The following SLC44A5 variants were observed in gnomAD, a reference collection of about 807,000 sequenced individuals.
SLC44A5 encodes solute carrier family 44 member 5.
Under a neutral mutation model 101.8 loss-of-function variants are expected in SLC44A5, and 57 were observed. The ratio of observed to expected loss-of-function variants is 0.56; its 90% CI spans 0.45 to 0.70. The LOEUF (loss-of-function observed/expected upper bound fraction) is 0.70. Among genes scored for constraint, SLC44A5 ranks in the 30% least tolerant of loss-of-function variants. SLC44A5 has a pLI of 0.00. For missense variants in SLC44A5, 737 were observed against 853.1 expected (o/e 0.86, Z 1.70); for synonymous variants, 281 against 290.9 (o/e 0.97, Z 0.35).
intron 4 of SLC44A5, among the ~76,000 whole-genome samples, chr1:75,324,781 T>C (rs1181704337): frequency 6.6e-6 from 1 of 152,182 alleles, no homozygotes; most frequent in Non-Finnish European, 1.5e-5. Flanking sequence ...CCAGGTGACA[T>C]TTGTTTTATT....
intron 7 of SLC44A5, among the ~76,000 whole-genome samples, chr1:75,244,190 A>C (rs139214393): frequency 6.6e-6 from 1 of 152,220 alleles, no homozygotes; most frequent in African/African-American, 2.4e-5. Context: ...AGAGTAAGAC[A>C]GTTAGAAGAC....
intron 7 of SLC44A5, 66 bp downstream of exon 7, chr1:75,251,144 C>A: frequency 1.5e-6 from 2 of 1,292,448 alleles, no homozygotes; most frequent in Admixed American, 3.6e-5. Flanking sequence ...AATGGAATTT[C>A]TCAATTCTTT....
intron 3 of SLC44A5, among the ~76,000 whole-genome samples, chr1:75,363,195 T>C (rs528868977): frequency 6.6e-6 from 1 of 152,220 alleles, no homozygotes; most frequent in Admixed American, 6.5e-5. Context: ...ATCTCTTTAC[T>C]AGTAAAGTAA....
chr1:75,236,852 A>AG, intron 11 of SLC44A5, 135 bp downstream of exon 11: 1 of 511,536 alleles, frequency 2.0e-6, no homozygotes, highest in Non-Finnish European at 3.6e-6. Flanking sequence ...AGGAACTGAC[A>AG]TCTGAGTGAA....
At chr1:75,268,357 T>C (rs960286847) in intron 6 of SLC44A5, among the ~76,000 whole-genome samples, 6 of 152,202 alleles carry the variant, frequency 3.9e-5, no homozygotes, top group African/African-American at 1.4e-4. Flanking sequence ...CTACCTCCCA[T>C]TGCACACCAG....
intron 2 of SLC44A5, among the ~76,000 whole-genome samples, chr1:75,495,632 G>A (rs1184256926): frequency 1.3e-5 from 2 of 151,634 alleles, no homozygotes; most frequent in Non-Finnish European, 2.9e-5. Context: ...CAGCAGACTA[G>A]ATAAGGAGAA....
At chr1:75,681,597 G>A in the SLC44A5 span, among the ~76,000 whole-genome samples, 2 of 149,020 alleles carry the variant, frequency 1.3e-5, no homozygotes, top group Non-Finnish European at 3.0e-5. Context: ...AGGTATTGAT[G>A]GGACATATTT....
intron 3 of SLC44A5, among the ~76,000 whole-genome samples, chr1:75,351,621 ATGTAAGGGAAAGCATTGCCACAC>A (rs1658662541): frequency 6.6e-6 from 1 of 152,018 alleles, no homozygotes. Flanking sequence ...ATGAGTTCTA[ATGTAAGGGAAAGCATTGCCACAC>A]TTGGCAAGAT....
At chr1:75,306,310 G>A (rs1380247407) in intron 4 of SLC44A5, among the ~76,000 whole-genome samples, 1 of 152,156 alleles carries the variant, frequency 6.6e-6, no homozygotes, top group Admixed American at 6.5e-5. Flanking sequence ...ATTTAGCAGA[G>A]TCTTGCATGC....
chr1:75,212,180 AAACTTTTATTTTTTT>A, intron 22 of SLC44A5, among the ~76,000 whole-genome samples: 1 of 152,200 alleles, frequency 6.6e-6, no homozygotes. Context: ...AATTCTTTTT[AAACTTTTATTTTTTT>A]AACTTTTATT....
chr1:75,479,795 G>C (rs1667709534), intron 2 of SLC44A5, among the ~76,000 whole-genome samples: 1 of 152,160 alleles, frequency 6.6e-6, no homozygotes, highest in Non-Finnish European at 1.5e-5. Context: ...GGACCAGATG[G>C]ATTCACAGCC....
intron 6 of SLC44A5, among the ~76,000 whole-genome samples, chr1:75,256,487 A>G (rs1650030872): frequency 6.6e-6 from 1 of 152,166 alleles, no homozygotes; most frequent in Non-Finnish European, 1.5e-5. Flanking sequence ...TATCAAGGAC[A>G]TGGTACAAAT....
At chr1:75,649,542 T>C in the SLC44A5 span, among the ~76,000 whole-genome samples, 1 of 152,078 alleles carries the variant, frequency 6.6e-6, no homozygotes, top group Non-Finnish European at 1.5e-5. Context: ...CCTGATCTAA[T>C]CTCTTTGTCA....
At chr1:75,464,504 C>T (rs1666703294) in intron 2 of SLC44A5, among the ~76,000 whole-genome samples, 2 of 151,616 alleles carry the variant, frequency 1.3e-5, no homozygotes. Flanking sequence ...GAAAAGACCA[C>T]AAAACAAGCA....
chr1:75,640,044 T>A, the SLC44A5 span, among the ~76,000 whole-genome samples: 3 of 152,056 alleles, frequency 2.0e-5, no homozygotes, highest in Non-Finnish European at 4.4e-5. Flanking sequence ...CCTTTTACTT[T>A]CCTTAGAAAA....
intron 7 of SLC44A5, among the ~76,000 whole-genome samples, chr1:75,249,507 A>T (rs2100639259): frequency 6.6e-6 from 1 of 152,084 alleles, no homozygotes; most frequent in Admixed American, 6.6e-5. Context: ...ACAGAAAATC[A>T]CCTCCCAGGT....
intron 4 of SLC44A5, among the ~76,000 whole-genome samples, chr1:75,306,828 G>A (rs895012313): frequency 4.9e-5 from 7 of 142,690 alleles, no homozygotes; most frequent in African/African-American, 1.6e-4. Context: ...TCCGCCTCCC[G>A]GGTTCACGCC....
intron 6 of SLC44A5, among the ~76,000 whole-genome samples, chr1:75,260,826 C>T (rs1650433220): frequency 6.6e-6 from 1 of 152,148 alleles, no homozygotes; most frequent in Admixed American, 6.5e-5. Context: ...CAAACAGTCT[C>T]TCAGACCACA....
At chr1:75,213,142 C>T (rs972397598) in intron 22 of SLC44A5, among the ~76,000 whole-genome samples, 3 of 152,174 alleles carry the variant, frequency 2.0e-5, no homozygotes, top group Non-Finnish European at 2.9e-5. Context: ...TCCTCACTTT[C>T]TTACCAATGT....
Sources: gnomAD v4.1 joint callset for allele counts (sites outside exome capture counted in the v4.1 genomes callset) on GRCh38, gnomAD v4.1.1 for gene constraint, MANE v1.5 for transcripts, NCBI Gene and HGNC (gene_info 2026-07-23, HGNC 2026-07-21) for gene names.